The following ALK variants were observed in gnomAD, a reference collection of about 807,000 sequenced individuals.
ALK encodes ALK receptor tyrosine kinase, also known as ALK tyrosine kinase receptor.
In ALK, 74 loss-of-function variants were observed where a neutral mutation model predicts 163.1. The observed-to-expected ratio is 0.45, with a 90% CI of 0.38 to 0.55. ALK has a LOEUF of 0.55. Among genes scored for constraint, ALK ranks in the 20% least tolerant of loss-of-function variants. The pLI is 0.00. For missense variants in ALK, 2,063 were observed against 2,105.3 expected (o/e 0.98, Z 0.39); for synonymous variants, 960 against 843.2 (o/e 1.14, Z -2.40).
intron 1 of ALK, among the ~76,000 whole-genome samples, chr2:29,850,503 G>A (rs1220068204): frequency 6.6e-6 from 1 of 152,200 alleles, no homozygotes; most frequent in African/African-American, 2.4e-5. Context: ...GCAACTCTCA[G>A]GGATGCCCCA....
At chr2:29,364,074 GA>G (rs748456555) in intron 5 of ALK, among the ~76,000 whole-genome samples, 13 of 152,158 alleles carry the variant, frequency 8.5e-5, no homozygotes, top group South Asian at 2.1e-4. Context: ...TCAAAATGGG[GA>G]AAATCTGAAT....
intron 4 of ALK, among the ~76,000 whole-genome samples, chr2:29,441,159 G>A (rs902955876): frequency 2.0e-5 from 3 of 152,346 alleles, no homozygotes; most frequent in African/African-American, 7.2e-5. Flanking sequence ...CTCTAGATCT[G>A]TCTATGTCAA....
At chr2:29,626,008 T>C (rs778854712) in intron 3 of ALK, among the ~76,000 whole-genome samples, 3 of 152,206 alleles carry the variant, frequency 2.0e-5, no homozygotes, top group Non-Finnish European at 2.9e-5. Context: ...TAGATGATGG[T>C]ATTTTCAGCT....
intron 1 of ALK, among the ~76,000 whole-genome samples, chr2:29,876,970 C>G (rs928574093): frequency 4.6e-5 from 7 of 152,138 alleles, no homozygotes; most frequent in Non-Finnish European, 1.0e-4. Flanking sequence ...TTGGTCCTGA[C>G]TTCTCCCTGA....
chr2:29,230,065 T>C (rs189344478), intron 15 of ALK, among the ~76,000 whole-genome samples: 29 of 152,316 alleles, frequency 1.9e-4, no homozygotes, highest in African/African-American at 6.0e-4. Flanking sequence ...GACATTTGAA[T>C]AGACATCTAC....
chr2:29,265,006 TG>T (rs1422427042), intron 11 of ALK, among the ~76,000 whole-genome samples: 1 of 151,192 alleles, frequency 6.6e-6, no homozygotes, highest in Non-Finnish European at 1.5e-5. Flanking sequence ...CAGGGTGCCC[TG>T]TTTTTTTTTT....
chr2:29,920,197 C>G lies in ALK; in HGVS notation c.463G>C (p.Val155Leu), dbSNP rs751920643. The change falls in exon 1 of 29, where the codon GTC becomes CTC. Residue 155 changes from valine (V) to leucine (L), a missense_variant. Val to Leu is a conservative substitution (Grantham distance 32). This residue lies in a region of ALK where 987 missense variants were observed against 939.5 expected (regional missense o/e 1.05). Coordinates refer to ENST00000389048, the MANE Select transcript of ALK (RefSeq NM_004304.5). ...ACAGCCGCCTCCCCGGGGGGCCCGA[C>G]GCAACCCTCCAAGATCGCCTCCTCG... ...LGEEAILEGC[V>L]GPPGEAAVGL... is the part of the protein sequence containing the mutation. 1.2e-6 allele frequency: 2 copies of G among 1,613,440 alleles called. No individual in the cohort carries two copies. Among genetic ancestry groups the G allele is most frequent in the Admixed American group, 3.3e-5 (2 of 60,022 alleles).
At chr2:29,698,764 C>T (rs893975810) in intron 2 of ALK, among the ~76,000 whole-genome samples, 3 of 152,184 alleles carry the variant, frequency 2.0e-5, no homozygotes, top group African/African-American at 7.2e-5. Flanking sequence ...TGCAAATGTA[C>T]CGATTAAAAT....
intron 4 of ALK, among the ~76,000 whole-genome samples, chr2:29,414,865 G>A (rs1305314345): frequency 6.6e-6 from 1 of 152,074 alleles, no homozygotes; most frequent in Non-Finnish European, 1.5e-5. Context: ...TGAGACAAGA[G>A]TCTATAATTG....
At chr2:29,706,869 G>A (rs1345895836) in intron 2 of ALK, among the ~76,000 whole-genome samples, 5 of 152,158 alleles carry the variant, frequency 3.3e-5, no homozygotes, top group Non-Finnish European at 5.9e-5. Flanking sequence ...CTTGGCCAAG[G>A]TGGCATGGCC....
chr2:29,532,249 A>G (rs907382623), intron 3 of ALK, 133 bp from the exon 4 acceptor site: 2 of 832,572 alleles, frequency 2.4e-6, no homozygotes, highest in African/African-American at 3.4e-5. Context: ...CTCTGCATGC[A>G]CCCAGCCTTC....
chr2:29,847,667 G>A (rs572056392), intron 1 of ALK, among the ~76,000 whole-genome samples: 2 of 152,232 alleles, frequency 1.3e-5, no homozygotes, highest in East Asian at 1.9e-4. Flanking sequence ...GGGAAAATAG[G>A]TGGATTTTCC....
chr2:29,420,950 G>A lies in ALK; in HGVS notation c.1155-37091C>T, dbSNP rs570739045. Among the ~76,000 whole-genome samples, 7 of 151,592 alleles carry A rather than the reference G, an allele frequency of 4.6e-5. No homozygotes were observed. In the South Asian group the frequency reaches 8.3e-4, roughly 18 times the overall value. On this transcript the variant is annotated intron_variant, in intron 4 of 28. Coordinates refer to ENST00000389048, the MANE Select transcript of ALK (RefSeq NM_004304.5). ...TTGTGATTACATGCTCGGGGAGGTC[G>A]CATGTTCTCCCCATCACAGAACTTG...
intron 1 of ALK, among the ~76,000 whole-genome samples, chr2:29,917,846 G>A (rs1448373944): frequency 6.6e-6 from 1 of 152,142 alleles, no homozygotes; most frequent in African/African-American, 2.4e-5. Context: ...AAAATGCTTG[G>A]CCAAATTTTC....
intron 5 of ALK, among the ~76,000 whole-genome samples, chr2:29,364,906 A>G (rs1485790425): frequency 6.6e-6 from 1 of 152,200 alleles, no homozygotes; most frequent in Admixed American, 6.5e-5. Context: ...AGAGAACTTG[A>G]TGGGAAAGAA....
chr2:29,773,401 G>A (rs1163232712), intron 1 of ALK, among the ~76,000 whole-genome samples: 2 of 152,152 alleles, frequency 1.3e-5, no homozygotes, highest in Non-Finnish European at 1.5e-5. Flanking sequence ...TCTGTTCTAG[G>A]AAGTGACCTC....
intron 1 of ALK, among the ~76,000 whole-genome samples, chr2:29,726,013 T>A (rs1261124338): frequency 6.6e-6 from 1 of 152,208 alleles, no homozygotes; most frequent in African/African-American, 2.4e-5. Flanking sequence ...CTGCTGCAGG[T>A]GTGCTTGGTC....
chr2:29,902,230 T>C (rs1340783092), intron 1 of ALK, among the ~76,000 whole-genome samples: 1 of 152,108 alleles, frequency 6.6e-6, no homozygotes, highest in African/African-American at 2.4e-5. Context: ...TCCCCAATGT[T>C]TTTTCTTCCC....
At chr2:29,855,817 T>C (rs922083932) in intron 1 of ALK, among the ~76,000 whole-genome samples, 3 of 152,210 alleles carry the variant, frequency 2.0e-5, no homozygotes, top group African/African-American at 4.8e-5. Flanking sequence ...ACGTGTAGTC[T>C]TCCCATTTCT....
Sources: gnomAD v4.1 joint callset for allele counts (sites outside exome capture counted in the v4.1 genomes callset) on GRCh38, gnomAD v4.1.1 for gene constraint, gnomAD v4.1.1 regional missense constraint, MANE v1.5 for transcripts, NCBI Gene and HGNC (gene_info 2026-07-23, HGNC 2026-07-21) for gene names.